Variants in INSC observed in about 807,000 individuals in gnomAD.
The protein encoded by INSC is protein inscuteable homolog.
A neutral mutation model predicts 58.6 loss-of-function variants in INSC; 67 were observed. The observed-to-expected ratio is 1.14, with a 90% CI of 0.94 to 1.40. The LOEUF is 1.40. Ranked by LOEUF, INSC falls within the 40% of genes most tolerant of loss-of-function variation. The pLI is 0.00. For missense variants in INSC, 714 were observed against 692.0 expected, an observed-to-expected ratio of 1.03 and a Z score of -0.36; for synonymous variants, 262 against 276.1, an observed-to-expected ratio of 0.95 and a Z score of 0.51.
At chr11:15,221,406 T>C in intron 7 of INSC, 71 bp from the exon 8 acceptor site, 1 of 1,510,068 alleles carries the variant, frequency 6.6e-7, no homozygotes, top group Non-Finnish European at 9.0e-7. Flanking sequence ...AATCTGTATC[T>C]GTCTCATTAA....
At chr11:15,215,815 G>A (rs1851195120) in intron 7 of INSC, among the ~76,000 whole-genome samples, 1 of 152,194 alleles carries the variant, frequency 6.6e-6, no homozygotes. Flanking sequence ...GGAGAACAGA[G>A]ATGACCTCTT....
rs766235233 is a variant in INSC, at chr11:15,200,905, GC to G, written c.777del (p.Ser260ProfsTer25). On this transcript the variant is annotated frameshift_variant, in exon 7 of 13. Coordinates refer to ENST00000379556, the MANE Select transcript of INSC (RefSeq NM_001042536.3). LOFTEE classifies it high-confidence loss of function. ...GTACCCCCAGGCGCTCCGCACGCTG[GC>G]CTCCATCTGCTGCGTGGAAGAGGGT... ...CLYPQALRTL[A>X]SICCVEEGVH... 2 of 1,613,286 alleles carry G rather than the reference GC, an allele frequency of 1.2e-6. No individual in the cohort carries two copies. The highest frequency in any genetic ancestry group is 8.5e-7 in the Non-Finnish European group (1 of 1,179,834).
At chr11:15,148,158 T>C (rs1263615171) in intron 1 of INSC, among the ~76,000 whole-genome samples, 1 of 152,222 alleles carries the variant, frequency 6.6e-6, no homozygotes, top group Non-Finnish European at 1.5e-5. Flanking sequence ...AGTGCTGGGA[T>C]TGGGAGTCCC....
chr11:15,255,333 G>GA, the INSC span, among the ~76,000 whole-genome samples: 1 of 152,068 alleles, frequency 6.6e-6, no homozygotes, highest in South Asian at 2.1e-4. Flanking sequence ...TCATAGATAT[G>GA]AAAATTATTT....
chr11:15,219,386 A>G (rs1469716958), intron 7 of INSC, among the ~76,000 whole-genome samples: 1 of 152,180 alleles, frequency 6.6e-6, no homozygotes, highest in African/African-American at 2.4e-5. Context: ...TCTGTAGAGC[A>G]TCTTCATTTG....
chr11:15,134,827 CTTTATTTATTTATTTA>C (rs112337509), intron 1 of INSC, among the ~76,000 whole-genome samples: 1 of 150,804 alleles, frequency 6.6e-6, no homozygotes, highest in Non-Finnish European at 1.5e-5. Context: ...CATCTTCCTC[CTTTATTTATTTATTTA>C]TTTATTTATT....
intron 2 of INSC, among the ~76,000 whole-genome samples, chr11:15,158,860 G>GTATTTTTT (rs1554907670): frequency 2.7e-5 from 3 of 109,704 alleles, no homozygotes; most frequent in East Asian, 2.6e-4. Context: ...ATTGTTGGTG[G>GTATTTTTT]TTTTTTTTTT....
intron 5 of INSC, among the ~76,000 whole-genome samples, chr11:15,188,959 G>A (rs1489153658): frequency 6.6e-6 from 1 of 152,138 alleles, no homozygotes; most frequent in Non-Finnish European, 1.5e-5. Flanking sequence ...ACAAATCTTG[G>A]TTATTAATTT....
chr11:15,229,976 A>T lies in INSC; in HGVS notation c.1170+4148A>T, dbSNP rs1485959586. On this transcript the variant is annotated intron_variant, in intron 9 of 12. Transcript: ENST00000379556. ...TATATATATTTATATATATATATAT[A>T]TATTATATATATATATATATATATA... Among the ~76,000 whole-genome samples the T allele has an allele frequency of 1.0e-3, 15 of 14,852 alleles. 1 individual carries two copies. The highest frequency in any genetic ancestry group is 4.3e-3 in the Admixed American group (4 of 940). The allele number at this position is 14,852 out of a possible 152,430, so 9.7% of individuals were successfully genotyped here.
chr11:15,180,804 A>G (rs1159837143), intron 5 of INSC, among the ~76,000 whole-genome samples: 2 of 151,566 alleles, frequency 1.3e-5, no homozygotes, highest in Non-Finnish European at 2.9e-5. Flanking sequence ...AGCAAGTCCC[A>G]TGATTTCCTC....
chr11:15,170,174 T>G (rs1202457191), intron 2 of INSC, among the ~76,000 whole-genome samples: 1 of 152,208 alleles, frequency 6.6e-6, no homozygotes, highest in Non-Finnish European at 1.5e-5. Flanking sequence ...TATTGTTATT[T>G]TTTGTTTTTT....
At chr11:15,117,779 A>G (rs1046405581) in intron 1 of INSC, among the ~76,000 whole-genome samples, 3 of 152,124 alleles carry the variant, frequency 2.0e-5, no homozygotes, top group African/African-American at 4.8e-5. Flanking sequence ...ATATGTCTCA[A>G]TTTGGCTTCT....
intron 1 of INSC, among the ~76,000 whole-genome samples, chr11:15,145,105 G>A (rs1205938931): frequency 6.6e-6 from 1 of 152,190 alleles, no homozygotes; most frequent in African/African-American, 2.4e-5. Context: ...TCTGCTCTGA[G>A]ATGTATTTCT....
At chr11:15,140,918 C>T (rs887629979) in intron 1 of INSC, among the ~76,000 whole-genome samples, 2 of 152,078 alleles carry the variant, frequency 1.3e-5, no homozygotes, top group Non-Finnish European at 2.9e-5. Context: ...TCTCCATTGT[C>T]CATGTTAACC....
intron 5 of INSC, among the ~76,000 whole-genome samples, chr11:15,188,758 G>A (rs1294250369): frequency 6.6e-6 from 1 of 152,218 alleles, no homozygotes; most frequent in East Asian, 1.9e-4. Flanking sequence ...GGTTCGAATT[G>A]TTTAATGTAA....
At chr11:15,261,786 C>T in the INSC span, among the ~76,000 whole-genome samples, 3 of 152,052 alleles carry the variant, frequency 2.0e-5, no homozygotes, top group Non-Finnish European at 4.4e-5. Flanking sequence ...TGGGGTAGAG[C>T]TCTCAGAAAA....
At chr11:15,164,455 G>C (rs550397930) in intron 2 of INSC, among the ~76,000 whole-genome samples, 20 of 152,246 alleles carry the variant, frequency 1.3e-4, no homozygotes, top group African/African-American at 4.8e-4. Context: ...CTGTCCCACT[G>C]AATTTGGATT....
upstream of INSC, chr11:15,112,555 T>C: frequency 6.4e-7 from 1 of 1,567,818 alleles, no homozygotes; most frequent in East Asian, 2.4e-5. Context: ...TCCAGGAGGC[T>C]GTGCTGTGCC....
chr11:15,234,553 G>T (rs529967990), intron 9 of INSC, among the ~76,000 whole-genome samples: 21 of 152,126 alleles, frequency 1.4e-4, no homozygotes, highest in African/African-American at 5.1e-4. Context: ...CAGCGGAGGG[G>T]GGACACAGTT....
Sources: gnomAD v4.1 joint callset for allele counts (sites outside exome capture counted in the v4.1 genomes callset) on GRCh38, gnomAD v4.1.1 for gene constraint, MANE v1.5 for transcripts, NCBI Gene and HGNC (gene_info 2026-07-23, HGNC 2026-07-21) for gene names.